DNASE2: variants seen among roughly 807,000 people sequenced by gnomAD.
The protein encoded by DNASE2 is deoxyribonuclease-2-alpha.
A neutral mutation model predicts 29.8 loss-of-function variants in DNASE2; 26 were observed. The ratio of observed to expected loss-of-function variants is 0.87; its 90% CI spans 0.64 to 1.21. The LOEUF (loss-of-function observed/expected upper bound fraction) is 1.21. Among genes scored for constraint, DNASE2 ranks in the 50% most tolerant of loss-of-function variants. The probability of loss-of-function intolerance (pLI) is 0.00; values close to 1 mark genes in which losing one functional copy is unlikely to be tolerated. For synonymous variants in DNASE2, 186 were observed against 193.5 expected (o/e 0.96, Z 0.32); for missense variants, 415 against 455.6 (o/e 0.91, Z 0.81).
In DNASE2 at chr19:12,878,713, G is replaced by A. The variant is rs1970345710; in HGVS notation, c.468C>T (p.Thr156=). ...WPHSACTYGQ[T]LLCVSFPFAQ... Reference sequence around the variant, plus strand: ...CGAAGGGAAAAGACACACAGAGCAGGGTCTGCCCGTAGGTACAGGCGCTAT... The same window carrying A: ...CGAAGGGAAAAGACACACAGAGCAGAGTCTGCCCGTAGGTACAGGCGCTAT... Residue 156 remains threonine (T), a synonymous_variant, in exon 4 of 6, where the codon ACC becomes ACT. Transcript: ENST00000222219. 1 of 1,614,086 alleles carries A rather than the reference G, an allele frequency of 6.2e-7. No homozygotes were observed. The highest frequency in any genetic ancestry group is 8.5e-7 in the Non-Finnish European group (1 of 1,180,036).
intron 3 of DNASE2, among the ~76,000 whole-genome samples, chr19:12,879,484 CAAA>C (rs35693082): frequency 4.2e-5 from 3 of 71,180 alleles, no homozygotes; most frequent in Admixed American, 1.5e-4. Flanking sequence ...AACTCCTTCT[CAAA>C]AAAAAAAAAA....
intron 3 of DNASE2, among the ~76,000 whole-genome samples, 178 bp from the exon 4 acceptor site, chr19:12,879,012 G>A (rs1199663593): frequency 6.6e-6 from 1 of 151,652 alleles, no homozygotes; most frequent in Non-Finnish European, 1.5e-5. Context: ...GCGTGGTGGT[G>A]GACGCCTGTA....
rs779453968 is a variant in DNASE2, at chr19:12,876,151, A to G, written c.922T>C (p.Cys308Arg). Residue 308 changes from cysteine to arginine, a missense_variant, in exon 6 of 6, where the codon TGC becomes CGC. Physicochemically the swap from Cys to Arg is radical, Grantham distance 180 (BLOSUM62 -3). Transcript: ENST00000222219. ...TGGTTCCGATTCATGTCACCCACGC[A>G]GGTCCAGGGCCCTTTTGGGGACACG... ...WCVSPKGPWT[C>R]VGDMNRNQGE... 5.0e-6 allele frequency: 8 copies of G among 1,614,118 alleles called. No individual in the cohort carries two copies. The East Asian group carries it at 6.7e-5, about 13-fold the overall frequency.
In DNASE2 at chr19:12,880,988, C is replaced by T. The variant is rs1970373420; in HGVS notation, c.251G>A (p.Arg84Gln). The T allele has an allele frequency of 3.1e-6, 5 of 1,614,158 alleles. No homozygotes were observed. Among genetic ancestry groups the T allele is most frequent in the Non-Finnish European group, 4.2e-6 (5 of 1,180,032 alleles). Reference sequence around the variant, plus strand: ...CCCCTTCACCTGGCTGGTGTTGCTCCGGTACAGCGGCTGCAGGCTTCGGCC... The same window carrying T: ...CCCCTTCACCTGGCTGGTGTTGCTCTGGTACAGCGGCTGCAGGCTTCGGCC... ...AVGRSLQPLY[R>Q]SNTSQLAFLL... Residue 84 changes from arginine to glutamine, a missense_variant, in exon 2 of 6, where the codon CGG (arginine) becomes CAG (glutamine). Coordinates refer to ENST00000222219, the MANE Select transcript of DNASE2 (RefSeq NM_001375.3).
intron 3 of DNASE2, 135 bp downstream of exon 3, chr19:12,880,667 A>AG (rs914218420): frequency 8.1e-7 from 1 of 1,233,826 alleles, no homozygotes; most frequent in African/African-American, 1.5e-5. Context: ...TCAAAAACAA[A>AG]GAAAAAAAAA....
intron 5 of DNASE2, chr19:12,877,951 C>T (rs1970338656): frequency 9.8e-6 from 3 of 307,252 alleles, no homozygotes; most frequent in Admixed American, 4.6e-5. Context: ...CTCAATTTAT[C>T]CTCCTGCCTC....
chr19:12,878,739 G>T lies in DNASE2; in HGVS notation c.442C>A (p.His148Asn). 1 of 1,614,140 alleles carries T rather than the reference G, an allele frequency of 6.2e-7. No individual in the cohort carries two copies. Among genetic ancestry groups the T allele is most frequent in the Non-Finnish European group, 8.5e-7 (1 of 1,180,032 alleles). The change falls in exon 4 of 6, where the codon CAT becomes AAT. Residue 148 changes from histidine (H) to asparagine (N), a missense_variant. His to Asn is a moderately conservative substitution (Grantham distance 68). Transcript: ENST00000222219. ...PASSAAYSWP[H>N]SACTYGQTLL... ...GTCTGCCCGTAGGTACAGGCGCTAT[G>T]AGGCCAGCTGTATGCAGCAGAGGAG...
At chr19:12,880,102 C>CAAAAA (rs71168631) in intron 3 of DNASE2, among the ~76,000 whole-genome samples, 3 of 42,456 alleles carry the variant, frequency 7.1e-5, no homozygotes, top group African/African-American at 2.1e-4. Flanking sequence ...GAGAGTGCCG[C>CAAAAA]AAAAAAAAAA....
chr19:12,878,509 G>T lies in DNASE2; in HGVS notation c.582C>A (p.Phe194Leu), dbSNP rs1451948478. ...YQLEGIFAQEFPDLENVVKGH... is the reference protein window; with the variant it reads ...YQLEGIFAQELPDLENVVKGH... The stretch of plus-strand genomic sequence containing the variant: ...CCTTGACCACATTCTCCAAGTCGGG[G>T]AATTCCTGGGCAAAGATCCCTTCCA... Residue 194 changes from phenylalanine to leucine, a missense_variant, in exon 5 of 6, where the codon TTC becomes TTA. By Grantham distance (22) the Phe-to-Leu change is conservative. Coordinates refer to ENST00000222219, the MANE Select transcript of DNASE2 (RefSeq NM_001375.3). The T allele has an allele frequency of 6.2e-7, 1 of 1,614,010 alleles. No individual in the cohort carries two copies. Among genetic ancestry groups the T allele is most frequent in the East Asian group, 2.2e-5 (1 of 44,884 alleles).
intron 3 of DNASE2, among the ~76,000 whole-genome samples, chr19:12,879,529 G>A (rs1970357425): frequency 6.6e-6 from 1 of 151,336 alleles, no homozygotes; most frequent in Non-Finnish European, 1.5e-5. Flanking sequence ...ATTGCTCCAG[G>A]CCTCCCAGCA....
At chr19:12,878,339 T>A in intron 5 of DNASE2, 43 bp downstream of exon 5, 1 of 1,610,402 alleles carries the variant, frequency 6.2e-7, no homozygotes. Context: ...AGTCACCCTG[T>A]CTGCAGAGAA....
chr19:12,875,843 G>T lies in DNASE2; in HGVS notation c.*147C>A. 1.0e-6 allele frequency: 1 copy of T among 996,454 alleles called. No homozygotes were observed. The highest frequency in any genetic ancestry group is 1.5e-6 in the Non-Finnish European group (1 of 689,196). 61.7% of individuals were successfully genotyped at this position (996,454 alleles called of 1,614,324 possible). ...CTACAGGCATTTATCACCGTGCCTG[G>T]CTAACTTTTTTTAAGTTCTAGTAGA... On this transcript the variant is annotated 3_prime_UTR_variant, in exon 6 of 6. Coordinates refer to ENST00000222219, the MANE Select transcript of DNASE2 (RefSeq NM_001375.3).
In DNASE2 at chr19:12,881,041, T is replaced by C; in HGVS notation, c.198A>G (p.Ala66=). The C allele has an allele frequency of 1.2e-6, 2 of 1,613,512 alleles. No homozygotes were observed. Among genetic ancestry groups the C allele is most frequent in the East Asian group, 2.2e-5 (1 of 44,878 alleles). The change falls in exon 2 of 6, where the codon GCA becomes GCG. Residue 66 remains alanine (A), a synonymous_variant. Transcript: ENST00000222219. ...CGGCCCCCTCCGGGCTGTTGATGAG[T>C]GCCCTGCCGTCCCGCCAGCCTCCGG... ...ESSGGWRDGR[A]LINSPEGAVG...
chr19:12,878,092 G>A (rs1270035057), intron 5 of DNASE2: 1 of 436,220 alleles, frequency 2.3e-6, no homozygotes, highest in Non-Finnish European at 4.3e-6. Context: ...TGGGATTACA[G>A]GAGTGAGGCA....
chr19:12,880,575 C>T (rs1406319186), intron 3 of DNASE2, among the ~76,000 whole-genome samples: 1 of 151,968 alleles, frequency 6.6e-6, no homozygotes, highest in Non-Finnish European at 1.5e-5. Context: ...AGAATTGCTT[C>T]AACCCCAGAG....
rs1313144716 is a variant in DNASE2 at position 12,878,411 on chromosome 19, C to T, written c.680G>A (p.Ser227Asn). 1 of 1,613,090 alleles carries T rather than the reference C, an allele frequency of 6.2e-7. No homozygotes were observed. Among genetic ancestry groups the T allele is most frequent in the Admixed American group, 1.7e-5 (1 of 60,022 alleles). The part of the protein sequence containing the change: ...LTSQAGAVFQ[S>N]FAKFSKFGDD... ...TCCAAATTTGCTGAACTTGGCAAAG[C>T]TCTGGAAAACAGCCCCGGCCTGGGA... The change falls in exon 5 of 6, where the codon AGC (serine) becomes AAC (asparagine). Residue 227 changes from serine (S) to asparagine (N), a missense_variant. By Grantham distance (46) the Ser-to-Asn change is conservative. Coordinates refer to ENST00000222219, the MANE Select transcript of DNASE2 (RefSeq NM_001375.3).
rs1182163089 is a variant in DNASE2 at position 12,875,299 on chromosome 19, C to T, written c.*691G>A. The stretch of plus-strand genomic sequence containing the variant: ...CAGACAGGTAGACTGTGTCACAGAG[C>T]GGTTAAGGCACACAATCAAGGTCAT... On this transcript the variant is annotated 3_prime_UTR_variant, in exon 6 of 6. Coordinates refer to ENST00000222219, the MANE Select transcript of DNASE2 (RefSeq NM_001375.3). 2.0e-5 allele frequency: 4 copies of T among 201,478 alleles called. No homozygotes were observed. Among genetic ancestry groups the T allele is most frequent in the African/African-American group, 4.6e-5 (2 of 43,274 alleles). The allele number at this position is 201,478 out of a possible 1,614,324, so 12.5% of individuals were successfully genotyped here.
chr19:12,877,912 T>C (rs912392319), intron 5 of DNASE2: 3 of 286,014 alleles, frequency 1.0e-5, no homozygotes. Context: ...GTGGAGTCAT[T>C]ATAGCTCACT....
Position 12,878,841 on chromosome 19 carries a change from C to A in DNASE2, c.347-7G>T, listed in dbSNP as rs745434991. ...TGGTCAAGGAGCAGGACACCTGGAC[C>A]AAAAGAAGGCATTAGGGGAGGTCGG... On this transcript the variant is annotated splice_region_variant and splice_polypyrimidine_tract_variant and intron_variant, in intron 3 of 5. Transcript: ENST00000222219. 9 of 1,610,964 alleles carry A rather than the reference C, an allele frequency of 5.6e-6. No individual in the cohort carries two copies. The highest frequency in any genetic ancestry group is 7.6e-6 in the Non-Finnish European group (9 of 1,179,106).
Sources: gnomAD v4.1 joint callset for allele counts (sites outside exome capture counted in the v4.1 genomes callset) on GRCh38, gnomAD v4.1.1 for gene constraint, MANE v1.5 for transcripts, NCBI Gene and HGNC (gene_info 2026-07-23, HGNC 2026-07-21) for gene names.